MFHAS1: variants seen among roughly 807,000 people sequenced by gnomAD.
The protein encoded by MFHAS1 is multifunctional ROCO family signaling regulator 1.
Under a neutral mutation model 70.4 loss-of-function variants are expected in MFHAS1, and 50 were observed. The observed-to-expected ratio is 0.71, with a 90% CI of 0.57 to 0.90. The LOEUF (loss-of-function observed/expected upper bound fraction) is 0.90. MFHAS1 is among the 40% of genes least tolerant of loss of function. The pLI, the probability that MFHAS1 is intolerant of heterozygous loss-of-function variation, is 0.00. For synonymous variants in MFHAS1, 952 were observed against 620.0 expected, an observed-to-expected ratio of 1.54 and a Z score of -7.96; for missense variants, 1,795 against 1,347.6, an observed-to-expected ratio of 1.33 and a Z score of -5.20.
In MFHAS1 at chr8:8,892,675, C is replaced by G. The variant is rs1393140327; in HGVS notation, c.384G>C (p.Ala128=). Residue 128 remains alanine, a synonymous_variant, in exon 1 of 3, where the codon GCG becomes GCC. Transcript: ENST00000276282. This position sits in a 1 kb window ranked among gnomAD's most constrained non-coding sequence, Gnocchi z 4.7. ...GCTCCCTCAGAGCACTCACCACCTC[C>G]GCGCCCAGGGCGGTCAGCCGGTTGT... ...VSHNRLTALG[A]EVVSALRELR... The G allele has an allele frequency of 1.9e-6, 3 of 1,583,020 alleles. No homozygotes were observed. Among genetic ancestry groups the G allele is most frequent in the African/African-American group, 2.7e-5 (2 of 74,364 alleles).
At chr8:8,859,241 G>T (rs1808571340) in intron 1 of MFHAS1, among the ~76,000 whole-genome samples, 1 of 152,206 alleles carries the variant, frequency 6.6e-6, no homozygotes, top group African/African-American at 2.4e-5. Context: ...CCACCTGGGA[G>T]GCTGAGGCAG....
chr8:8,812,955 C>T (rs548651042), intron 1 of MFHAS1, among the ~76,000 whole-genome samples: 4 of 152,162 alleles, frequency 2.6e-5, no homozygotes, highest in East Asian at 1.9e-4. Context: ...TTAGTAGGGA[C>T]GGGGTTTCAC....
At position 8,857,663 on chromosome 8, in the gene MFHAS1, G is replaced by C. The variant is rs186599251; in HGVS notation, c.2998+32398C>G. Among the ~76,000 whole-genome samples, 181 of 152,030 alleles carry C rather than the reference G, an allele frequency of 1.2e-3. 2 individuals carry two copies. Among genetic ancestry groups the C allele is most frequent in the Admixed American group, 2.5e-3 (38 of 15,258 alleles). On this transcript the variant is annotated intron_variant, in intron 1 of 2. Coordinates refer to ENST00000276282, the MANE Select transcript of MFHAS1 (RefSeq NM_004225.3). Reference sequence around the variant, plus strand: ...TAGTCTCAGCTACTCAGGAGGCTAAGGCAGGAGAATCGCTTGAACCCGGGA... The same window carrying C: ...TAGTCTCAGCTACTCAGGAGGCTAACGCAGGAGAATCGCTTGAACCCGGGA...
intron 2 of MFHAS1, among the ~76,000 whole-genome samples, chr8:8,789,431 G>C (rs1009654143): frequency 2.6e-5 from 4 of 152,174 alleles, no homozygotes; most frequent in Non-Finnish European, 4.4e-5. Context: ...GATGCCACGT[G>C]AGACATTGGA....
At chr8:8,880,026 G>A (rs1019990792) in intron 1 of MFHAS1, among the ~76,000 whole-genome samples, 3 of 152,190 alleles carry the variant, frequency 2.0e-5, no homozygotes, top group Non-Finnish European at 4.4e-5. Flanking sequence ...TCTTCTACGT[G>A]TTCTTTACGG....
At chr8:8,811,165 A>G (rs983181403) in intron 1 of MFHAS1, among the ~76,000 whole-genome samples, 1 of 152,128 alleles carries the variant, frequency 6.6e-6, no homozygotes, top group Non-Finnish European at 1.5e-5. Context: ...TCATCCGCAG[A>G]ATAAAATCCA....
At chr8:8,864,464 C>G (rs771038624) in intron 1 of MFHAS1, among the ~76,000 whole-genome samples, 10 of 152,190 alleles carry the variant, frequency 6.6e-5, no homozygotes, top group Non-Finnish European at 1.5e-4. Context: ...TTTAATGTTC[C>G]TTGGACCAAA....
rs188530742 is a variant in MFHAS1 at position 8,797,801 on chromosome 8, T to G, written c.2999-310A>C. Among the ~76,000 whole-genome samples the G allele has an allele frequency of 4.5e-3, 681 of 152,230 alleles. 3 individuals carry two copies. The highest frequency in any genetic ancestry group is 0.017 in the Middle Eastern group (5 of 294). ...TTTAACAGACTGACTCCAGGGATCT[T>G]TATCTAGATATCAACGACTGAGCCA... On this transcript the variant is annotated intron_variant, in intron 1 of 2. Coordinates refer to ENST00000276282, the MANE Select transcript of MFHAS1 (RefSeq NM_004225.3).
chr8:8,806,355 T>C (rs1205815355), intron 1 of MFHAS1, among the ~76,000 whole-genome samples: 2 of 152,088 alleles, frequency 1.3e-5, no homozygotes, highest in African/African-American at 4.8e-5. Flanking sequence ...TAAATATAAC[T>C]GGGGGCCAGA....
intron 1 of MFHAS1, among the ~76,000 whole-genome samples, chr8:8,814,247 T>A (rs573967433): frequency 6.6e-6 from 1 of 152,352 alleles, no homozygotes; most frequent in South Asian, 2.1e-4. Context: ...CACCATTTTT[T>A]ATCTTTATAC....
chr8:8,866,928 C>A (rs1360696301), intron 1 of MFHAS1, among the ~76,000 whole-genome samples: 2 of 152,100 alleles, frequency 1.3e-5, no homozygotes, highest in African/African-American at 4.8e-5. Context: ...TGGGGAAATA[C>A]ATATCTGATA....
intron 1 of MFHAS1, among the ~76,000 whole-genome samples, chr8:8,804,729 G>A (rs1219710009): frequency 2.6e-5 from 4 of 152,198 alleles, no homozygotes; most frequent in Admixed American, 6.5e-5. Flanking sequence ...TTACTTCTGC[G>A]ACTCACACAA....
At chr8:8,874,683 T>C (rs1339059798) in intron 1 of MFHAS1, among the ~76,000 whole-genome samples, 2 of 151,994 alleles carry the variant, frequency 1.3e-5, no homozygotes, top group East Asian at 1.9e-4. Context: ...TGATTCCCGC[T>C]GTCACCTCTG....
At chr8:8,873,878 G>A (rs906142768) in intron 1 of MFHAS1, among the ~76,000 whole-genome samples, 5 of 152,188 alleles carry the variant, frequency 3.3e-5, no homozygotes, top group South Asian at 2.1e-4. Context: ...TTTGATCAGC[G>A]GTATATCTAT....
chr8:8,842,165 G>A (rs537509267), intron 1 of MFHAS1, among the ~76,000 whole-genome samples: 17 of 152,126 alleles, frequency 1.1e-4, no homozygotes, highest in African/African-American at 3.9e-4. Context: ...CGGAGAAACT[G>A]TAACTTCACA....
intron 1 of MFHAS1, among the ~76,000 whole-genome samples, chr8:8,830,473 C>T (rs1488120434): frequency 1.3e-5 from 2 of 152,118 alleles, no homozygotes; most frequent in African/African-American, 4.8e-5. Flanking sequence ...TCTAAAATTA[C>T]AGGTTATTAA....
chr8:8,853,092 C>A (rs901329298), intron 1 of MFHAS1, among the ~76,000 whole-genome samples: 1 of 152,074 alleles, frequency 6.6e-6, no homozygotes, highest in Non-Finnish European at 1.5e-5. Flanking sequence ...CTCAAGACCC[C>A]GACTATGCCC....
intron 1 of MFHAS1, among the ~76,000 whole-genome samples, chr8:8,845,876 C>A (rs909464765): frequency 6.6e-6 from 1 of 152,070 alleles, no homozygotes; most frequent in Non-Finnish European, 1.5e-5. Flanking sequence ...GGTTGTCAGG[C>A]CAAAAACCTT....
intron 1 of MFHAS1, among the ~76,000 whole-genome samples, chr8:8,852,229 T>C (rs1049773163): frequency 1.3e-5 from 2 of 152,086 alleles, no homozygotes; most frequent in Non-Finnish European, 2.9e-5. Context: ...TGTAATCACA[T>C]TTGGGAAGCC....
Sources: gnomAD v4.1 joint callset for allele counts (sites outside exome capture counted in the v4.1 genomes callset) on GRCh38, gnomAD v4.1.1 for gene constraint, Gnocchi (gnomAD v3.1) non-coding constraint, MANE v1.5 for transcripts, NCBI Gene and HGNC (gene_info 2026-07-23, HGNC 2026-07-21) for gene names.